NSMCE2: variants seen among roughly 807,000 people sequenced by gnomAD.
NSMCE2 encodes E3 SUMO-protein ligase NSE2.
Under a neutral mutation model 23.8 loss-of-function variants are expected in NSMCE2, and 24 were observed. That is an observed-to-expected ratio of 1.01 (90% CI 0.73 to 1.42). The LOEUF (loss-of-function observed/expected upper bound fraction) is 1.42, where lower values mean the gene tolerates loss of function less well. Ranked by LOEUF, NSMCE2 falls within the 40% of genes most tolerant of loss-of-function variation. NSMCE2 has a pLI of 0.00. For missense variants in NSMCE2, 284 were observed against 296.5 expected, an observed-to-expected ratio of 0.96 and a Z score of 0.31; for synonymous variants, 92 against 94.1, an observed-to-expected ratio of 0.98 and a Z score of 0.13.
intron 3 of NSMCE2, among the ~76,000 whole-genome samples, chr8:125,141,464 T>A (rs1248965284): frequency 6.6e-6 from 1 of 152,244 alleles, no homozygotes; most frequent in African/African-American, 2.4e-5. Flanking sequence ...TTATTAACTA[T>A]GTCATCTGGG....
At chr8:125,214,653 A>G (rs1370445452) in intron 5 of NSMCE2, among the ~76,000 whole-genome samples, 1 of 152,036 alleles carries the variant, frequency 6.6e-6, no homozygotes, top group East Asian at 1.9e-4. Flanking sequence ...TTCTCCCCCA[A>G]TCCCCTACAC....
At chr8:125,349,986 T>C (rs950275623) in intron 5 of NSMCE2, among the ~76,000 whole-genome samples, 1 of 152,214 alleles carries the variant, frequency 6.6e-6, no homozygotes, top group Non-Finnish European at 1.5e-5. Flanking sequence ...CTGCTAAATA[T>C]GTTAAGTGTA....
At chr8:125,262,057 G>A (rs559473555) in intron 5 of NSMCE2, among the ~76,000 whole-genome samples, 6 of 151,562 alleles carry the variant, frequency 4.0e-5, no homozygotes, top group South Asian at 4.2e-4. Context: ...AGATTGCACC[G>A]CTGCACTCCA....
chr8:125,320,854 T>C (rs1259413546), intron 5 of NSMCE2, among the ~76,000 whole-genome samples: 1 of 152,200 alleles, frequency 6.6e-6, no homozygotes, highest in Non-Finnish European at 1.5e-5. Flanking sequence ...TTAATTGGGC[T>C]CACAGTTCAG....
intron 3 of NSMCE2, among the ~76,000 whole-genome samples, chr8:125,141,053 A>T (rs552478802): frequency 6.6e-6 from 1 of 152,180 alleles, no homozygotes; most frequent in African/African-American, 2.4e-5. Flanking sequence ...CTGAGTTTCC[A>T]TAGTGTTTTT....
At chr8:125,256,276 C>T (rs1240376383) in intron 5 of NSMCE2, among the ~76,000 whole-genome samples, 9 of 139,310 alleles carry the variant, frequency 6.5e-5, no homozygotes, top group South Asian at 2.3e-4. Flanking sequence ...AGTGAGACTC[C>T]GTCTCAAAAA....
In NSMCE2 at chr8:125,337,282, C is replaced by T. The variant is rs569702710; in HGVS notation, c.419-19937C>T. Among the ~76,000 whole-genome samples the T allele has an allele frequency of 3.9e-5, 6 of 152,314 alleles. No homozygotes were observed. The South Asian group carries it at 1.2e-3, about 32-fold the overall frequency. On this transcript the variant is annotated intron_variant, in intron 5 of 7. Coordinates refer to ENST00000287437, the MANE Select transcript of NSMCE2 (RefSeq NM_173685.4). The stretch of plus-strand genomic sequence containing the variant: ...TTATTGTTGCTGACTTGCAACCCTA[C>T]ACCCCCTCTAAGTCTATGACAGGTC...
intron 5 of NSMCE2, among the ~76,000 whole-genome samples, chr8:125,209,372 G>A (rs377222438): frequency 2.6e-5 from 4 of 152,132 alleles, no homozygotes; most frequent in African/African-American, 9.7e-5. Flanking sequence ...GGACTAAACC[G>A]GTAGAAATAA....
chr8:125,290,235 A>C (rs1348340580), intron 5 of NSMCE2, among the ~76,000 whole-genome samples: 4 of 152,236 alleles, frequency 2.6e-5, no homozygotes, highest in Non-Finnish European at 5.9e-5. Context: ...ATATGTTAAA[A>C]TCATATTAAG....
intron 7 of NSMCE2, among the ~76,000 whole-genome samples, chr8:125,365,780 C>T (rs112354187): frequency 6.6e-6 from 1 of 152,230 alleles, no homozygotes; most frequent in African/African-American, 2.4e-5. Context: ...TTGCTTGAAC[C>T]CAGGAGGCGG....
chr8:125,216,927 T>G (rs1290148608), intron 5 of NSMCE2, among the ~76,000 whole-genome samples: 1 of 152,226 alleles, frequency 6.6e-6, no homozygotes, highest in African/African-American at 2.4e-5. Context: ...TGAAAGTTAC[T>G]TACACAGTTA....
intron 6 of NSMCE2, 58 bp downstream of exon 6, chr8:125,357,377 A>C: frequency 1.7e-6 from 2 of 1,190,502 alleles, no homozygotes; most frequent in Non-Finnish European, 1.3e-6. Flanking sequence ...AGAGGCAGAA[A>C]GGTTCCTGTT....
At chr8:125,320,596 T>C (rs1057208528) in intron 5 of NSMCE2, among the ~76,000 whole-genome samples, 2 of 152,098 alleles carry the variant, frequency 1.3e-5, no homozygotes, top group African/African-American at 2.4e-5. Context: ...AATTTTTAAG[T>C]TACTGAAAGG....
chr8:125,221,470 C>T (rs1824858780), intron 5 of NSMCE2, among the ~76,000 whole-genome samples: 1 of 152,030 alleles, frequency 6.6e-6, no homozygotes, highest in Non-Finnish European at 1.5e-5. Flanking sequence ...TCTTGAACTC[C>T]TGGGCTCAAG....
intron 5 of NSMCE2, among the ~76,000 whole-genome samples, chr8:125,249,681 G>GT (rs1480298912): frequency 1.3e-5 from 2 of 152,150 alleles, no homozygotes; most frequent in African/African-American, 4.8e-5. Context: ...CCCACACCCA[G>GT]TTTGATTGAA....
At chr8:125,253,144 C>T (rs1249389335) in intron 5 of NSMCE2, among the ~76,000 whole-genome samples, 1 of 152,302 alleles carries the variant, frequency 6.6e-6, no homozygotes, top group East Asian at 1.9e-4. Flanking sequence ...TGCCATTTCT[C>T]TTTAAGTAAA....
intron 5 of NSMCE2, among the ~76,000 whole-genome samples, chr8:125,299,722 A>G (rs1324429820): frequency 1.3e-5 from 2 of 151,498 alleles, no homozygotes; most frequent in Non-Finnish European, 2.9e-5. Context: ...ACTGAGAATA[A>G]CCAAAGAACT....
intron 4 of NSMCE2, among the ~76,000 whole-genome samples, chr8:125,160,950 G>C (rs1443758127): frequency 6.6e-6 from 1 of 152,232 alleles, no homozygotes; most frequent in Non-Finnish European, 1.5e-5. Context: ...TGCCTCTGAT[G>C]TATCACATGC....
At chr8:125,192,177 A>C (rs1823379611) in intron 5 of NSMCE2, among the ~76,000 whole-genome samples, 1 of 152,180 alleles carries the variant, frequency 6.6e-6, no homozygotes, top group African/African-American at 2.4e-5. Flanking sequence ...TGTCCCAGAG[A>C]TGATGTTACA....
Sources: gnomAD v4.1 joint callset for allele counts (sites outside exome capture counted in the v4.1 genomes callset) on GRCh38, gnomAD v4.1.1 for gene constraint, MANE v1.5 for transcripts, NCBI Gene and HGNC (gene_info 2026-07-23, HGNC 2026-07-21) for gene names.